Variants in SPACA6 observed in about 807,000 individuals in gnomAD.
SPACA6 encodes sperm acrosome membrane-associated protein 6.
For synonymous variants in SPACA6, 6 were observed against 1.5 expected (o/e 4.05, Z -2.21); for missense variants, 8 against 2.8 (o/e 2.88, Z -1.34).
chr19:51,709,295 A>G (rs1313049910), downstream of SPACA6, among the ~76,000 whole-genome samples: 1 of 151,788 alleles, frequency 6.6e-6, no homozygotes, highest in Non-Finnish European at 1.5e-5. Flanking sequence ...AGGCAGGCAG[A>G]TCACCTGAGG....
chr19:51,707,958 C>T (rs2083523677), downstream of SPACA6, among the ~76,000 whole-genome samples: 1 of 152,200 alleles, frequency 6.6e-6, no homozygotes, highest in African/African-American at 2.4e-5. Context: ...CCTGTCAGTG[C>T]GTGGATGCAC....
downstream of SPACA6, among the ~76,000 whole-genome samples, chr19:51,707,764 G>GC (rs1204785768): frequency 6.6e-6 from 1 of 152,164 alleles, no homozygotes; most frequent in Non-Finnish European, 1.5e-5. Context: ...GCAACCTGCA[G>GC]CCCCCCAGCT....
chr19:51,709,219 G>GAAA (rs35079110), downstream of SPACA6, among the ~76,000 whole-genome samples: 1,422 of 126,960 alleles, frequency 0.011, 22 homozygotes, highest in African/African-American at 0.04. Context: ...ACCTGAATCA[G>GAAA]AAAAAAAAAA....
chr19:51,684,963 G>A (rs2083321827), upstream of SPACA6, among the ~76,000 whole-genome samples: 1 of 152,236 alleles, frequency 6.6e-6, no homozygotes, highest in Non-Finnish European at 1.5e-5. Context: ...TTGTCTGGTG[G>A]TGCTATCGGA....
chr19:51,684,970 C>T (rs1288042409), upstream of SPACA6, among the ~76,000 whole-genome samples: 9 of 152,296 alleles, frequency 5.9e-5, no homozygotes, highest in Admixed American at 5.2e-4. Flanking sequence ...GTGGTGCTAT[C>T]GGATTATCTT....
At chr19:51,684,491 T>G (rs1186297915), upstream of SPACA6, among the ~76,000 whole-genome samples, 2 of 152,118 alleles carry the variant, frequency 1.3e-5, no homozygotes, top group Non-Finnish European at 1.5e-5. Flanking sequence ...GCCTCCCCAC[T>G]TCCCCCAGCC....
chr19:51,709,772 T>G (rs976955469), downstream of SPACA6, among the ~76,000 whole-genome samples: 1 of 152,062 alleles, frequency 6.6e-6, no homozygotes, highest in Non-Finnish European at 1.5e-5. Context: ...GGTGCTGCAG[T>G]AATCCAGGGA....
At chr19:51,689,685 G>A (rs1182209918), upstream of SPACA6, 1 of 142,008 alleles carries the variant, frequency 7.0e-6, no homozygotes, top group Non-Finnish European at 1.5e-5. Flanking sequence ...TGGAGGAGGA[G>A]TTGGGGGTGG....
chr19:51,687,078 G>A (rs1044497985), upstream of SPACA6: 2 of 152,054 alleles, frequency 1.3e-5, no homozygotes, highest in Non-Finnish European at 2.9e-5. Flanking sequence ...TCCAGCAAAC[G>A]TGGCAAAACC....
At chr19:51,694,070 G>A (rs2083403067) in intron 1 of SPACA6, 1 of 224,732 alleles carries the variant, frequency 4.4e-6, no homozygotes, top group Admixed American at 6.4e-5. Context: ...GGGGAGGATG[G>A]ACACTCGGGA....
At chr19:51,702,790 A>C (rs1226347078) in intron 4 of SPACA6, 138 bp downstream of exon 4, 2 of 398,760 alleles carry the variant, frequency 5.0e-6, no homozygotes, top group Middle Eastern at 6.2e-4. Flanking sequence ...AAAAGGAAGA[A>C]AACCAAGTAT....
chr19:51,711,097 AGTC>A (rs1222909228), intron 2 of SPACA6, among the ~76,000 whole-genome samples: 1 of 152,166 alleles, frequency 6.6e-6, no homozygotes, highest in African/African-American at 2.4e-5. Context: ...AAAAAAAGGA[AGTC>A]AAGTAAAGAA....
the SPACA6 span, among the ~76,000 whole-genome samples, chr19:51,683,077 C>T: frequency 0.13 from 19,833 of 152,054 alleles, 1,386 homozygotes; most frequent in African/African-American, 0.17. Context: ...TGTATTCTCT[C>T]GCAGATGTGG....
At chr19:51,709,614 C>CAAAAAAAAA (rs56844884), downstream of SPACA6, among the ~76,000 whole-genome samples, 1 of 93,178 alleles carries the variant, frequency 1.1e-5, no homozygotes, top group Non-Finnish European at 2.1e-5. Context: ...GACTCTGTCA[C>CAAAAAAAAA]AAAAAAAAAA....
At chr19:51,692,122 G>A (rs1476789719), upstream of SPACA6, among the ~76,000 whole-genome samples, 3 of 152,126 alleles carry the variant, frequency 2.0e-5, no homozygotes, top group East Asian at 5.8e-4. This position sits in a 1 kb window ranked among gnomAD's most constrained non-coding sequence, Gnocchi z 5.6. Flanking sequence ...AGGCTCTGAT[G>A]GTTGGCTAGC....
At chr19:51,711,182 T>C (rs978540427) in intron 2 of SPACA6, among the ~76,000 whole-genome samples, 5 of 152,228 alleles carry the variant, frequency 3.3e-5, no homozygotes, top group East Asian at 1.9e-4. Flanking sequence ...GAATTGGCTA[T>C]TGGTTTTAGC....
rs1175226714 is a variant in SPACA6, at chr19:51,702,498, C to T, written c.362-131C>T. ...AACCCAGCCGGCTTGACCCCGCCCC[C>T]AGGTTATGACGAAAGCTTGGCCCCG... On this transcript the variant is annotated intron_variant, in intron 3 of 8. Coordinates refer to ENST00000637797, the MANE Select transcript of SPACA6 (RefSeq NM_001316972.2). The T allele has an allele frequency of 2.5e-5, 10 of 396,420 alleles. No individual in the cohort carries two copies. In the East Asian group the frequency reaches 3.2e-4, roughly 13 times the overall value. 24.6% of individuals were successfully genotyped at this position (396,420 alleles called of 1,614,324 possible). A position where few individuals can be genotyped will look rare whatever the true frequency, so the allele number is the denominator to read the frequency against.
At chr19:51,691,280 GGAGAGAGAGAGGGAGAGAGACAGAGACT>G, upstream of SPACA6, among the ~76,000 whole-genome samples, 1 of 151,220 alleles carries the variant, frequency 6.6e-6, no homozygotes, top group African/African-American at 2.4e-5. Context: ...AGGGAGGGAA[GGAGAGAGAGAGGGAGAGAGACAGAGACT>G]GAGAGAGAGC....
intron 2 of SPACA6, among the ~76,000 whole-genome samples, chr19:51,695,686 T>A (rs1035190358): frequency 6.6e-6 from 1 of 152,184 alleles, no homozygotes; most frequent in African/African-American, 2.4e-5. Flanking sequence ...GGCTGCCTTG[T>A]TACAGAAGCT....
Sources: allele counts gnomAD v4.1 joint callset (sites outside exome capture counted in the v4.1 genomes callset), GRCh38; gene constraint gnomAD v4.1.1; non-coding constraint Gnocchi (gnomAD v3.1); transcripts MANE v1.5; gene names NCBI Gene and HGNC (gene_info 2026-07-23, HGNC 2026-07-21).